The following RBFOX1 variants were observed in gnomAD, a reference collection of about 807,000 sequenced individuals.
The protein encoded by RBFOX1 is RNA binding protein fox-1 homolog 1.
Under a neutral mutation model 57.7 loss-of-function variants are expected in RBFOX1, and 8 were observed. The ratio of observed to expected loss-of-function variants is 0.14; its 90% CI spans 0.08 to 0.25. The LOEUF (loss-of-function observed/expected upper bound fraction) is 0.25, where lower values mean the gene tolerates loss of function less well. Ranked by LOEUF, RBFOX1 falls within the 10% of genes least tolerant of loss-of-function variation. The probability of loss-of-function intolerance (pLI) is 1.00; values close to 1 mark genes in which losing one functional copy is unlikely to be tolerated. For synonymous variants in RBFOX1, 326 were observed against 222.4 expected, an observed-to-expected ratio of 1.47 and a Z score of -4.15; for missense variants, 611 against 548.5, an observed-to-expected ratio of 1.11 and a Z score of -1.14.
intron 2 of RBFOX1, among the ~76,000 whole-genome samples, chr16:5,497,984 CAT>C (rs904128461): frequency 2.0e-5 from 3 of 152,104 alleles, no homozygotes; most frequent in African/African-American, 7.2e-5. Context: ...AGGGAAAAAA[CAT>C]GTGCAAAGGC....
At chr16:7,070,060 G>T (rs1321562846) in intron 4 of RBFOX1, among the ~76,000 whole-genome samples, 1 of 151,966 alleles carries the variant, frequency 6.6e-6, no homozygotes, top group African/African-American at 2.4e-5. Context: ...TTCCTCTCTT[G>T]CACAGTACAT....
At position 7,278,770 on chromosome 16, in the gene RBFOX1, T is replaced by C. The variant is rs559973462; in HGVS notation, c.27+226672T>C. Among the ~76,000 whole-genome samples the C allele has an allele frequency of 5.6e-4, 86 of 152,330 alleles. 1 individual carries two copies. The highest frequency in any genetic ancestry group is 2.0e-3 in the African/African-American group (84 of 41,584). ...CTTAAAATATCATTTGTTTAAAAAA[T>C]GCAATAAAACCTGATATGTACACTG... On this transcript the variant is annotated intron_variant, in intron 4 of 15. Transcript: ENST00000550418.
intron 3 of RBFOX1, among the ~76,000 whole-genome samples, chr16:6,700,971 G>A (rs560800850): frequency 2.8e-4 from 43 of 152,140 alleles, no homozygotes; most frequent in African/African-American, 9.4e-4. Flanking sequence ...GGCATTGGGG[G>A]TACCAGATGC....
intron 1 of RBFOX1, among the ~76,000 whole-genome samples, chr16:5,252,487 C>T (rs2062477621): frequency 6.6e-6 from 1 of 152,176 alleles, no homozygotes; most frequent in Non-Finnish European, 1.5e-5. Flanking sequence ...TGTGAGTTCC[C>T]ATGTGAAGGA....
chr16:7,324,007 C>G (rs1293789898), intron 4 of RBFOX1, among the ~76,000 whole-genome samples: 1 of 152,072 alleles, frequency 6.6e-6, no homozygotes, highest in Admixed American at 6.6e-5. Flanking sequence ...AAACAAGATC[C>G]AGCAGTTTTT....
chr16:7,157,612 A>T (rs1347657700), intron 4 of RBFOX1, among the ~76,000 whole-genome samples: 1 of 152,122 alleles, frequency 6.6e-6, no homozygotes, highest in Admixed American at 6.6e-5. Context: ...TCTGAATTTC[A>T]AATATCATTG....
intron 4 of RBFOX1, among the ~76,000 whole-genome samples, chr16:5,904,176 C>T (rs1280831816): frequency 1.3e-5 from 2 of 152,078 alleles, no homozygotes; most frequent in Non-Finnish European, 2.9e-5. Flanking sequence ...ATGCACAAAG[C>T]CTCAACAGTG....
intron 4 of RBFOX1, among the ~76,000 whole-genome samples, chr16:5,890,526 GTC>G (rs1250155389): frequency 6.6e-6 from 1 of 151,902 alleles, no homozygotes; most frequent in African/African-American, 2.4e-5. Flanking sequence ...GTGAAATTTT[GTC>G]TCTACTGAAA....
intron 3 of RBFOX1, among the ~76,000 whole-genome samples, chr16:6,817,857 G>C (rs2090444467): frequency 6.6e-6 from 1 of 152,124 alleles, no homozygotes; most frequent in African/African-American, 2.4e-5. Flanking sequence ...ACTCATATCA[G>C]ACAGGAGATC....
intron 9 of RBFOX1, among the ~76,000 whole-genome samples, chr16:7,598,141 T>A (rs1602947969): frequency 6.6e-6 from 1 of 152,162 alleles, no homozygotes; most frequent in Non-Finnish European, 1.5e-5. Flanking sequence ...TTAAGATATA[T>A]GGGGAAGAAA....
chr16:7,133,881 T>A (rs919196006), intron 4 of RBFOX1, among the ~76,000 whole-genome samples: 1 of 152,130 alleles, frequency 6.6e-6, no homozygotes, highest in East Asian at 1.9e-4. Flanking sequence ...CCAAAAAATA[T>A]ACAGCTAAAC....
intron 3 of RBFOX1, 117 bp from the exon 4 acceptor site, chr16:7,051,936 ATAAT>A: frequency 1.4e-6 from 2 of 1,432,772 alleles, no homozygotes; most frequent in Non-Finnish European, 1.9e-6. Flanking sequence ...AATTAAATAC[ATAAT>A]TAATTAATTA....
chr16:6,029,339 C>T (rs971054564), intron 1 of RBFOX1, among the ~76,000 whole-genome samples: 13 of 152,180 alleles, frequency 8.5e-5, no homozygotes, highest in African/African-American at 2.4e-4. Flanking sequence ...AATTGTGCTT[C>T]GCTGGTGTCA....
At chr16:6,741,919 C>A (rs890648642) in intron 3 of RBFOX1, among the ~76,000 whole-genome samples, 1 of 152,108 alleles carries the variant, frequency 6.6e-6, no homozygotes, top group South Asian at 2.1e-4. Flanking sequence ...AATTGTACAA[C>A]ATAGTGATAG....
chr16:5,249,469 C>T (rs936687938), intron 1 of RBFOX1, among the ~76,000 whole-genome samples: 1 of 152,204 alleles, frequency 6.6e-6, no homozygotes, highest in East Asian at 1.9e-4. Flanking sequence ...GTGCACGGCC[C>T]TCTTGACTGA....
At chr16:7,394,383 C>G (rs1330828398) in intron 4 of RBFOX1, among the ~76,000 whole-genome samples, 2 of 151,920 alleles carry the variant, frequency 1.3e-5, no homozygotes, top group Non-Finnish European at 2.9e-5. Flanking sequence ...TACCCAGTCC[C>G]TTCTGTCTCC....
At chr16:5,952,887 T>C (rs1318189281) in intron 4 of RBFOX1, among the ~76,000 whole-genome samples, 2 of 152,186 alleles carry the variant, frequency 1.3e-5, no homozygotes, top group Non-Finnish European at 1.5e-5. Flanking sequence ...CTCTGAAAAT[T>C]ATGTTTCATT....
At chr16:6,688,985 G>A (rs573064160) in intron 3 of RBFOX1, among the ~76,000 whole-genome samples, 97 of 152,196 alleles carry the variant, frequency 6.4e-4, no homozygotes, top group African/African-American at 2.2e-3. Context: ...TTTTATGGCT[G>A]CATAGTATTC....
chr16:7,640,423 T>C (rs1018881307), intron 11 of RBFOX1, among the ~76,000 whole-genome samples: 1 of 152,246 alleles, frequency 6.6e-6, no homozygotes, highest in Non-Finnish European at 1.5e-5. Flanking sequence ...AGGCCGCCAG[T>C]TGCAAAAACT....
Sources: allele counts gnomAD v4.1 joint callset (sites outside exome capture counted in the v4.1 genomes callset), GRCh38; gene constraint gnomAD v4.1.1; transcripts MANE v1.5; gene names NCBI Gene and HGNC (gene_info 2026-07-23, HGNC 2026-07-21).